PARP4: variants seen among roughly 807,000 people sequenced by gnomAD.
PARP4 encodes poly(ADP-ribose) polymerase family member 4, also known as protein mono-ADP-ribosyltransferase PARP4.
A neutral mutation model predicts 187.7 loss-of-function variants in PARP4; 120 were observed. That is an observed-to-expected ratio of 0.64 (90% CI 0.55 to 0.74). PARP4 has a LOEUF of 0.74. PARP4 is among the 30% of genes least tolerant of loss of function. PARP4 has a pLI of 0.00. For missense variants in PARP4, 1,836 were observed against 2,070.5 expected (o/e 0.89, Z 2.20); for synonymous variants, 654 against 740.9 (o/e 0.88, Z 1.90).
chr13:24,453,772 G>A (rs1162039253), intron 22 of PARP4, 118 bp from the exon 23 acceptor site: 2 of 647,950 alleles, frequency 3.1e-6, no homozygotes, highest in Admixed American at 2.6e-5. Context: ...ATATATTTAT[G>A]TGTGTACCTT....
intron 15 of PARP4, among the ~76,000 whole-genome samples, chr13:24,472,891 GTTTTTT>G (rs3978786): frequency 1.8e-5 from 2 of 109,570 alleles, no homozygotes; most frequent in African/African-American, 6.9e-5. Flanking sequence ...AACACCCTGA[GTTTTTT>G]TTTTTTTTTT....
chr13:24,506,062 T>C (rs1301215010), intron 1 of PARP4, among the ~76,000 whole-genome samples: 1 of 152,212 alleles, frequency 6.6e-6, no homozygotes, highest in Non-Finnish European at 1.5e-5. Context: ...TTGTGGGTTC[T>C]TGGTCTCACT....
chr13:24,503,620 T>C, intron 2 of PARP4, 25 bp downstream of exon 2: 2 of 1,611,448 alleles, frequency 1.2e-6, no homozygotes, highest in Non-Finnish European at 1.7e-6. Context: ...TTTATCACAC[T>C]GTAGTTTATG....
chr13:24,467,895 T>C (rs1872552030), intron 17 of PARP4, among the ~76,000 whole-genome samples: 1 of 152,192 alleles, frequency 6.6e-6, no homozygotes, highest in Admixed American at 6.5e-5. Context: ...ACATACAGTT[T>C]GGCCATACAT....
Position 24,435,383 on chromosome 13 carries a change from G to A in PARP4, c.3758C>T (p.Ser1253Phe). 1 of 1,612,236 alleles carries A rather than the reference G, an allele frequency of 6.2e-7. No homozygotes were observed. Among genetic ancestry groups the A allele is most frequent in the Non-Finnish European group, 8.5e-7 (1 of 1,179,846 alleles). The change falls in exon 31 of 34, where the codon TCT becomes TTT. Residue 1253 changes from serine (S) to phenylalanine (F), a missense_variant. Physicochemically the swap from Ser to Phe is radical, Grantham distance 155 (BLOSUM62 -2). This residue lies in a region of PARP4 where 450 missense variants were observed against 439.2 expected (regional missense o/e 1.02). Transcript: ENST00000381989. ...IPFSKRKMEL[S>F]QPEVSEDFEE... Reference sequence around the variant, plus strand: ...AAAATCTTCAGAAACTTCTGGCTGAGATAATTCCATTTTTCTTTTGGAAAA... The same window carrying A: ...AAAATCTTCAGAAACTTCTGGCTGAAATAATTCCATTTTTCTTTTGGAAAA...
chr13:24,454,884 C>A, intron 22 of PARP4, 133 bp downstream of exon 22: 1 of 656,622 alleles, frequency 1.5e-6, no homozygotes, highest in Non-Finnish European at 2.5e-6. Flanking sequence ...CTCCAGAGCT[C>A]TTGTTCTTCA....
intron 10 of PARP4, among the ~76,000 whole-genome samples, chr13:24,488,055 C>T (rs1350776283): frequency 5.3e-5 from 8 of 152,144 alleles, no homozygotes; most frequent in Non-Finnish European, 8.8e-5. Flanking sequence ...CTTTTCACAG[C>T]AGCAGGATCT....
Position 24,494,031 on chromosome 13 carries a change from G to A in PARP4, c.742-298C>T, listed in dbSNP as rs370055277. Among the ~76,000 whole-genome samples the A allele has an allele frequency of 2.6e-5, 4 of 152,252 alleles. No homozygotes were observed. In the East Asian group the frequency reaches 5.8e-4, roughly 22 times the overall value. ...CACGAAGTCAGGATTAAGGACCCTT[G>A]ACTCATGGCCTAGGTTGTAAAGACA... On this transcript the variant is annotated intron_variant, in intron 7 of 33. Transcript: ENST00000381989.
chr13:24,489,416 T>C (rs1468754722), intron 10 of PARP4, among the ~76,000 whole-genome samples: 4 of 152,166 alleles, frequency 2.6e-5, no homozygotes, highest in Admixed American at 2.0e-4. Flanking sequence ...AAGACCATCC[T>C]GGCTAAAGCA....
At chr13:24,465,081 C>T (rs914534923) in intron 17 of PARP4, among the ~76,000 whole-genome samples, 23 of 152,110 alleles carry the variant, frequency 1.5e-4, no homozygotes, top group African/African-American at 5.6e-4. Flanking sequence ...ATCAAAACCA[C>T]GATGAGACAC....
chr13:24,508,269 G>T (rs1869818873), intron 1 of PARP4, among the ~76,000 whole-genome samples: 1 of 152,120 alleles, frequency 6.6e-6, no homozygotes, highest in Non-Finnish European at 1.5e-5. Context: ...CACTTATGCT[G>T]ACCAAGGTTG....
At chr13:24,468,372 TCAGGAAAATTGTAA>T (rs1872577676) in intron 17 of PARP4, among the ~76,000 whole-genome samples, 1 of 151,310 alleles carries the variant, frequency 6.6e-6, no homozygotes, top group Admixed American at 6.6e-5. Context: ...TGAGCTTACT[TCAGGAAAATTGTAA>T]ATATATCACA....
chr13:24,512,171 A>C (rs576565229), intron 1 of PARP4, among the ~76,000 whole-genome samples: 1 of 152,204 alleles, frequency 6.6e-6, no homozygotes, highest in Non-Finnish European at 1.5e-5. Flanking sequence ...CCCTGGGTGA[A>C]CCATTCGGCC....
intron 15 of PARP4, among the ~76,000 whole-genome samples, chr13:24,474,599 G>A (rs1365366335): frequency 1.3e-5 from 2 of 151,106 alleles, no homozygotes; most frequent in African/African-American, 2.4e-5. Flanking sequence ...TTGTCTCCTC[G>A]GCCACGTCCT....
At chr13:24,454,051 C>A (rs1441359534) in intron 22 of PARP4, among the ~76,000 whole-genome samples, 1 of 150,610 alleles carries the variant, frequency 6.6e-6, no homozygotes, top group African/African-American at 2.5e-5. Context: ...GAGCTGAGAT[C>A]GCACCACCGC....
At chr13:24,453,946 T>C (rs1412016089) in intron 22 of PARP4, among the ~76,000 whole-genome samples, 3 of 152,056 alleles carry the variant, frequency 2.0e-5, no homozygotes, top group Non-Finnish European at 4.4e-5. Context: ...TGAAACCCTG[T>C]CTCTGCTAAA....
chr13:24,441,765 A>G (rs1435069507), intron 30 of PARP4, 81 bp downstream of exon 30: 1 of 1,266,112 alleles, frequency 7.9e-7, no homozygotes, highest in African/African-American at 1.5e-5. Flanking sequence ...GTAAGAAGGG[A>G]GCTATTTTAG....
chr13:24,512,503 G>A (rs1870071197), intron 1 of PARP4, among the ~76,000 whole-genome samples: 1 of 152,206 alleles, frequency 6.6e-6, no homozygotes, highest in Non-Finnish European at 1.5e-5. Context: ...GCGGGGCAGA[G>A]CGGAACGACC....
In PARP4 at chr13:24,447,102, C is replaced by T. The variant is rs372126761; in HGVS notation, c.3199G>A (p.Glu1067Lys). 36 of 1,613,132 alleles carry T rather than the reference C, an allele frequency of 2.2e-5. No individual in the cohort carries two copies. Among genetic ancestry groups the T allele is most frequent in the African/African-American group, 1.6e-4 (12 of 75,042 alleles). ...ACCTGGGCTGGGGCCTGCAGGGCCT[C>T]GGGCACATCTGGATTGAGTTGCTGC... ...KWQQLNPDVPEALQAPAQVPS... is the reference protein window; with the variant it reads ...KWQQLNPDVPKALQAPAQVPS... The change falls in exon 26 of 34, where the codon GAG becomes AAG. Residue 1067 changes from glutamate to lysine, a missense_variant. By Grantham distance (56) the Glu-to-Lys change is moderately conservative. Coordinates refer to ENST00000381989, the MANE Select transcript of PARP4 (RefSeq NM_006437.4).
Sources: gnomAD v4.1 joint callset for allele counts (sites outside exome capture counted in the v4.1 genomes callset) on GRCh38, gnomAD v4.1.1 for gene constraint, gnomAD v4.1.1 regional missense constraint, MANE v1.5 for transcripts, NCBI Gene and HGNC (gene_info 2026-07-23, HGNC 2026-07-21) for gene names.